DENND4C: variants seen among roughly 807,000 people sequenced by gnomAD.
DENND4C encodes the protein DENN domain containing 4C, also known as DENN domain-containing protein 4C.
DENND4C carries 108 observed loss-of-function variants against 203.0 expected under a neutral mutation model. The ratio of observed to expected loss-of-function variants is 0.53; its 90% CI spans 0.46 to 0.62. The LOEUF (loss-of-function observed/expected upper bound fraction) is 0.62. DENND4C is among the 20% of genes least tolerant of loss of function. The probability of loss-of-function intolerance (pLI) is 0.00; values close to 1 mark genes in which losing one functional copy is unlikely to be tolerated. For missense variants in DENND4C, 2,481 were observed against 2,301.2 expected, an observed-to-expected ratio of 1.08 and a Z score of -1.60; for synonymous variants, 871 against 792.4, an observed-to-expected ratio of 1.10 and a Z score of -1.67.
chr9:19,295,348 A>G (rs1048011199), intron 5 of DENND4C, among the ~76,000 whole-genome samples: 29 of 152,208 alleles, frequency 1.9e-4, no homozygotes, highest in African/African-American at 6.5e-4. Context: ...TACTAAAAAT[A>G]CAAAAAATTA....
At chr9:19,242,700 G>T (rs908806608) in intron 1 of DENND4C, among the ~76,000 whole-genome samples, 1 of 151,710 alleles carries the variant, frequency 6.6e-6, no homozygotes, top group Admixed American at 6.6e-5. Flanking sequence ...TTGTTAACCA[G>T]GCTGGAGTGC....
intron 1 of DENND4C, among the ~76,000 whole-genome samples, chr9:19,261,449 A>G (rs1291931574): frequency 1.4e-5 from 1 of 71,582 alleles, no homozygotes; most frequent in African/African-American, 4.6e-5. Context: ...TGTAGTATGG[A>G]CTTTTTTTTT....
intron 1 of DENND4C, 108 bp from the exon 2 acceptor site, chr9:19,276,050 A>G (rs1364484832): frequency 1.9e-5 from 10 of 522,794 alleles, no homozygotes; most frequent in Admixed American, 4.4e-5. Context: ...TTGATTATAA[A>G]TCTAGCTGGG....
At chr9:19,332,364 G>A (rs1819412516) in intron 17 of DENND4C, among the ~76,000 whole-genome samples, 180 bp downstream of exon 17, 1 of 151,740 alleles carries the variant, frequency 6.6e-6, no homozygotes, top group Non-Finnish European at 1.5e-5. Flanking sequence ...TTTAATTATT[G>A]ATTTGTTTTT....
intron 1 of DENND4C, among the ~76,000 whole-genome samples, chr9:19,232,860 A>G: frequency 6.6e-6 from 1 of 152,078 alleles, no homozygotes; most frequent in Non-Finnish European, 1.5e-5. Context: ...ATAAATAATA[A>G]CTCAATAAGG....
At chr9:19,272,966 T>TTTG (rs1554715556) in intron 1 of DENND4C, among the ~76,000 whole-genome samples, 1 of 130,584 alleles carries the variant, frequency 7.7e-6, no homozygotes. Context: ...TTTTTTTTTT[T>TTTG]GAGATGGAGT....
Position 19,346,540 on chromosome 9 carries a change from C to A in DENND4C, c.3771C>A (p.Ala1257=). The change falls in exon 23 of 33, where the codon GCC becomes GCA. Residue 1257 remains alanine, a synonymous_variant. Transcript: ENST00000434457. ...ETGLDPLSLL[A]TECTGGKTPD... ...GACTAGATCCTTTGTCTCTTTTAGC[C>A]ACTGAATGTACAGGAGGAAAAACTC... 6.2e-7 allele frequency: 1 copy of A among 1,614,086 alleles called. No homozygotes were observed. The highest frequency in any genetic ancestry group is 8.5e-7 in the Non-Finnish European group (1 of 1,180,022).
At position 19,350,763 on chromosome 9, in the gene DENND4C, A is replaced by G. The variant is rs1823933913; in HGVS notation, c.4379A>G (p.Asn1460Ser). 1 of 1,613,940 alleles carries G rather than the reference A, an allele frequency of 6.2e-7. No individual in the cohort carries two copies. The highest frequency in any genetic ancestry group is 1.7e-5 in the Admixed American group (1 of 59,982). ...AGLEDHILGE[N>S]ISPNTSISGL... ...CTAGAAGACCATATTTTGGGGGAGA[A>G]TATATCGCCTAACACAAGTATCTCA... The change falls in exon 24 of 33, where the codon AAT (asparagine) becomes AGT (serine). Residue 1460 changes from asparagine to serine, a missense_variant. Around this residue, in one of 3 missense-constraint regions of DENND4C, gnomAD observed 2,289 missense variants for 2,113.3 expected, o/e 1.08. Transcript: ENST00000434457.
intron 1 of DENND4C, among the ~76,000 whole-genome samples, chr9:19,274,736 C>T (rs1034657190): frequency 6.6e-5 from 10 of 152,136 alleles, no homozygotes; most frequent in African/African-American, 1.9e-4. Context: ...AAGTTTAATT[C>T]TTATAAAGCA....
At chr9:19,278,019 ATTCC>A (rs1232717466) in intron 2 of DENND4C, among the ~76,000 whole-genome samples, 2 of 149,730 alleles carry the variant, frequency 1.3e-5, no homozygotes, top group Non-Finnish European at 3.0e-5. Flanking sequence ...AAAATGATTA[ATTCC>A]TTAATATTAT....
intron 1 of DENND4C, among the ~76,000 whole-genome samples, chr9:19,234,530 G>GGT (rs1554706152): frequency 2.9e-4 from 30 of 104,448 alleles, no homozygotes; most frequent in African/African-American, 1.0e-3. Flanking sequence ...GCACCTGGCT[G>GGT]TTTTTTTTTT....
rs1314520286 is a variant in DENND4C, at chr9:19,255,860, T to C, written c.-17-20298T>C. 2.0e-5 allele frequency among the ~76,000 whole-genome samples: 3 copies of C among 152,328 alleles called. No individual in the cohort carries two copies. In the East Asian group the frequency reaches 5.8e-4, roughly 29 times the overall value. On this transcript the variant is annotated intron_variant, in intron 1 of 32. Coordinates refer to ENST00000434457, the MANE Select transcript of DENND4C (RefSeq NM_001330640.2). ...ATGTAGTAGACTTGTTACAACACTA[T>C]TTACTTGACTTGATTTATAGAGCCC...
At chr9:19,251,473 G>C (rs1433614937) in intron 1 of DENND4C, among the ~76,000 whole-genome samples, 1 of 152,174 alleles carries the variant, frequency 6.6e-6, no homozygotes, top group Non-Finnish European at 1.5e-5. Flanking sequence ...CTCTGTCTTG[G>C]GGATTAACAT....
intron 23 of DENND4C, among the ~76,000 whole-genome samples, chr9:19,349,524 G>A (rs1823624694): frequency 6.6e-6 from 1 of 152,112 alleles, no homozygotes; most frequent in South Asian, 2.1e-4. Flanking sequence ...TCTTTTCATT[G>A]TTACATCCCT....
chr9:19,363,173 C>A (rs1029313062), intron 30 of DENND4C, among the ~76,000 whole-genome samples: 2 of 152,188 alleles, frequency 1.3e-5, no homozygotes, highest in Admixed American at 6.5e-5. Flanking sequence ...CACATGCACA[C>A]ATTCCTGGTG....
chr9:19,357,862 A>G (rs1825724313), intron 27 of DENND4C, 103 bp from the exon 28 acceptor site: 1 of 909,676 alleles, frequency 1.1e-6, no homozygotes. Flanking sequence ...CTTCTTAGAT[A>G]TATTTAGTAG....
At chr9:19,324,251 A>T in intron 12 of DENND4C, 111 bp from the exon 13 acceptor site, 1 of 690,444 alleles carries the variant, frequency 1.4e-6, no homozygotes, top group Non-Finnish European at 2.2e-6. Flanking sequence ...ATATGGATAT[A>T]TATATGTATA....
rs551340456 is a variant in DENND4C at position 19,322,672 on chromosome 9, C to T, written c.1808-1690C>T. Among the ~76,000 whole-genome samples the T allele has an allele frequency of 5.5e-5, 8 of 145,838 alleles. No individual in the cohort carries two copies. The South Asian group carries it at 1.8e-3, about 32-fold the overall frequency. On this transcript the variant is annotated intron_variant, in intron 12 of 32. Coordinates refer to ENST00000434457, the MANE Select transcript of DENND4C (RefSeq NM_001330640.2). The stretch of plus-strand genomic sequence containing the variant: ...AATGGCATGAACCCGGGAGGCAGAG[C>T]TTGCAGTGAGCCAAGATTGACTGCA...
intron 31 of DENND4C, 140 bp downstream of exon 31, chr9:19,370,127 G>T: frequency 9.9e-7 from 1 of 1,013,574 alleles, no homozygotes. Context: ...GTGCTACACA[G>T]ATATATACAT....
Sources: allele counts gnomAD v4.1 joint callset (sites outside exome capture counted in the v4.1 genomes callset), GRCh38; gene constraint gnomAD v4.1.1; regional missense constraint gnomAD v4.1.1; transcripts MANE v1.5; gene names NCBI Gene and HGNC (gene_info 2026-07-23, HGNC 2026-07-21).